NDUFAF6: variants seen among roughly 807,000 people sequenced by gnomAD.
The protein encoded by NDUFAF6 is NADH dehydrogenase (ubiquinone) complex I, assembly factor 6.
In NDUFAF6, 45 loss-of-function variants were observed where a neutral mutation model predicts 40.8. The ratio of observed to expected loss-of-function variants is 1.10; its 90% CI spans 0.87 to 1.42. The LOEUF is 1.42. Among genes scored for constraint, NDUFAF6 ranks in the 40% most tolerant of loss-of-function variants. The pLI is 0.00. For synonymous variants in NDUFAF6, 185 were observed against 155.9 expected (o/e 1.19, Z -1.39); for missense variants, 435 against 418.5 (o/e 1.04, Z -0.34).
intron 1 of NDUFAF6, among the ~76,000 whole-genome samples, chr8:94,962,145 C>T (rs4735339): frequency 0.51 from 77,015 of 152,008 alleles, 19,927 homozygotes; most frequent in East Asian, 0.72. Flanking sequence ...CAGAGTTGGC[C>T]CTTCACCCTT....
At position 94,961,569 on chromosome 8, in the gene NDUFAF6, G is replaced by A. The variant is rs28455960; in HGVS notation, c.-199+3390G>A. Among the ~76,000 whole-genome samples the A allele has an allele frequency of 2.9e-3, 442 of 152,182 alleles. 2 individuals carry two copies. Among genetic ancestry groups the A allele is most frequent in the African/African-American group, 1.0e-2 (414 of 41,540 alleles). ...CCCAGGTAGCTAGGACTACAGGCGC[G>A]TACCACTACACCTGGCTAATTTTTT... On this transcript the variant is annotated intron_variant, in intron 1 of 9. Coordinates refer to the NDUFAF6 transcript ENST00000396111.
At chr8:94,927,863 TA>T (rs1454898876) in intron 1 of NDUFAF6, 7 of 151,548 alleles carry the variant, frequency 4.6e-5, no homozygotes, top group African/African-American at 1.7e-4. Flanking sequence ...GCTTGCATTT[TA>T]AAGAAATATG....
chr8:94,938,356 G>C (rs764368366), intron 1 of NDUFAF6, among the ~76,000 whole-genome samples: 3 of 152,206 alleles, frequency 2.0e-5, no homozygotes, highest in Non-Finnish European at 2.9e-5. Context: ...TGAAGACTGA[G>C]GCTGGACTGT....
In NDUFAF6 at chr8:94,994,284, C is replaced by T. The variant is rs184411684; in HGVS notation, c.-84+13311C>T. ...AAAAATGATGGTCTGGGCGCGGTGGCTCACACCTGTAATCCCAGCACTTTG... is the reference window on the plus strand; with the variant it reads ...AAAAATGATGGTCTGGGCGCGGTGGTTCACACCTGTAATCCCAGCACTTTG... On this transcript the variant is annotated intron_variant, in intron 2 of 9. Transcript: ENST00000396111. 3.3e-3 allele frequency among the ~76,000 whole-genome samples: 508 copies of T among 152,268 alleles called. 3 individuals carry two copies. The highest frequency in any genetic ancestry group is 0.011 in the African/African-American group (469 of 41,552).
At chr8:95,025,573 C>T (rs945900378) in intron 1 of NDUFAF6, among the ~76,000 whole-genome samples, 2 of 152,212 alleles carry the variant, frequency 1.3e-5, no homozygotes, top group Non-Finnish European at 2.9e-5. Flanking sequence ...TGGCATTATG[C>T]AAAGCAGATT....
intron 2 of NDUFAF6, among the ~76,000 whole-genome samples, chr8:95,000,988 C>G (rs1271119684): frequency 6.7e-6 from 1 of 148,546 alleles, no homozygotes; most frequent in Non-Finnish European, 1.5e-5. Context: ...CAGGGTCTCG[C>G]TCTGTCTCCC....
intron 2 of NDUFAF6, among the ~76,000 whole-genome samples, chr8:95,002,689 T>C (rs919473019): frequency 2.6e-5 from 4 of 152,230 alleles, no homozygotes; most frequent in South Asian, 2.1e-4. Context: ...GTACCTGTTA[T>C]GCTAGGTGCT....
Position 95,025,006 on chromosome 8 carries a change from G to C in NDUFAF6, c.-3G>C. 5 of 1,342,870 alleles carry C rather than the reference G, an allele frequency of 3.7e-6. No homozygotes were observed. Among genetic ancestry groups the C allele is most frequent in the Non-Finnish European group, 4.7e-6 (5 of 1,055,366 alleles). 83.2% of individuals were successfully genotyped at this position (1,342,870 alleles called of 1,614,324 possible). A position where few individuals can be genotyped will look rare whatever the true frequency, so the allele number is the denominator to read the frequency against. ...GGGTCGAAGGGCACGCAGTGCCGGC[G>C]TCATGGCGGCCTCCGCGCACGGCTC... On this transcript the variant is annotated 5_prime_UTR_variant, in exon 1 of 9. Transcript: ENST00000396124.
intron 4 of NDUFAF6, among the ~76,000 whole-genome samples, chr8:95,111,261 G>A (rs1480537804): frequency 6.6e-6 from 1 of 152,210 alleles, no homozygotes; most frequent in Admixed American, 6.5e-5. Context: ...GGCATTCCAG[G>A]CAATTCTGAG....
intron 2 of NDUFAF6, chr8:95,034,776 A>G (rs1829285870): frequency 6.6e-6 from 1 of 152,288 alleles, no homozygotes; most frequent in African/African-American, 2.4e-5. Context: ...TTCCCTTGCT[A>G]CTAATAAGCA....
intron 1 of NDUFAF6, chr8:94,940,777 A>G: frequency 7.3e-7 from 1 of 1,374,176 alleles, no homozygotes; most frequent in Non-Finnish European, 1.0e-6. Flanking sequence ...CTGAGATGCA[A>G]GTTTCCATTT....
At chr8:95,031,660 C>T (rs541161813) in intron 1 of NDUFAF6, among the ~76,000 whole-genome samples, 9 of 152,184 alleles carry the variant, frequency 5.9e-5, no homozygotes, top group South Asian at 4.1e-4. Flanking sequence ...AGTGCAGTGG[C>T]GCAATCTGGG....
chr8:94,936,840 CAG>C (rs1821024766), intron 1 of NDUFAF6, among the ~76,000 whole-genome samples: 1 of 152,102 alleles, frequency 6.6e-6, no homozygotes, highest in South Asian at 2.1e-4. Context: ...ACAGGCAGTG[CAG>C]AGACAGGCTG....
At chr8:95,107,311 A>T (rs931586535), downstream of NDUFAF6, among the ~76,000 whole-genome samples, 3 of 152,246 alleles carry the variant, frequency 2.0e-5, no homozygotes, top group Admixed American at 1.3e-4. Context: ...AAAAAGGATG[A>T]GTTCATGTCC....
chr8:94,989,466 G>C (rs1471074641), intron 2 of NDUFAF6: 1 of 152,146 alleles, frequency 6.6e-6, no homozygotes, highest in African/African-American at 2.4e-5. Context: ...TGGCTGGTTT[G>C]TAAGATCCTT....
upstream of NDUFAF6, among the ~76,000 whole-genome samples, chr8:94,953,361 CAAAA>C (rs562800399): frequency 4.4e-4 from 64 of 144,562 alleles, no homozygotes; most frequent in Admixed American, 1.4e-3. Flanking sequence ...AAAAAAAAAA[CAAAA>C]AAAAAACCTT....
At chr8:95,063,514 T>C (rs529854034), downstream of NDUFAF6, among the ~76,000 whole-genome samples, 65 of 152,146 alleles carry the variant, frequency 4.3e-4, no homozygotes, top group Non-Finnish European at 7.1e-4. Context: ...GGAGAATCGC[T>C]TGAACCCAGG....
At chr8:95,074,066 G>A (rs935161566) in intron 9 of NDUFAF6, among the ~76,000 whole-genome samples, 1 of 152,146 alleles carries the variant, frequency 6.6e-6, no homozygotes, top group African/African-American at 2.4e-5. Context: ...TCAAAATAAC[G>A]CAGGGAGAAG....
At chr8:95,075,548 C>T (rs1173916219) in intron 9 of NDUFAF6, 4 of 1,149,658 alleles carry the variant, frequency 3.5e-6, no homozygotes, top group Non-Finnish European at 4.6e-6. Flanking sequence ...CCAGGCCAAC[C>T]ATAAGCATCT....
Sources: allele counts gnomAD v4.1 joint callset (sites outside exome capture counted in the v4.1 genomes callset), GRCh38; gene constraint gnomAD v4.1.1; transcripts MANE v1.5; gene names NCBI Gene and HGNC (gene_info 2026-07-23, HGNC 2026-07-21).